Variants in NCOA1 observed in about 807,000 individuals in gnomAD.
The protein encoded by NCOA1 is nuclear receptor coactivator 1.
NCOA1 carries 35 observed loss-of-function variants against 150.9 expected under a neutral mutation model. The observed-to-expected ratio is 0.23, with a 90% CI of 0.18 to 0.31. The LOEUF (loss-of-function observed/expected upper bound fraction) is 0.31. Ranked by LOEUF, NCOA1 falls within the 10% of genes least tolerant of loss-of-function variation. NCOA1 has a pLI of 1.00. For synonymous variants in NCOA1, 590 were observed against 630.0 expected (o/e 0.94, Z 0.95); for missense variants, 1,491 against 1,749.3 (o/e 0.85, Z 2.63).
chr2:24,691,815 T>G (rs989819110), intron 9 of NCOA1, among the ~76,000 whole-genome samples, 155 bp downstream of exon 9: 3 of 152,228 alleles, frequency 2.0e-5, no homozygotes, highest in African/African-American at 7.2e-5. Context: ...TTCTTAATAC[T>G]TAAAAAACAA....
intron 11 of NCOA1, among the ~76,000 whole-genome samples, chr2:24,698,265 A>G (rs894133522): frequency 1.3e-5 from 2 of 152,194 alleles, no homozygotes; most frequent in African/African-American, 4.8e-5. Context: ...TCAGAAAAGA[A>G]GTAATATTTT....
rs559531589 is a variant in NCOA1, at chr2:24,675,097, C to T, written c.354+1634C>T. On this transcript the variant is annotated intron_variant, in intron 7 of 22. Coordinates refer to ENST00000348332, the MANE Select transcript of NCOA1 (RefSeq NM_003743.5). ...ATTGCCTCTTAAATGTTAGTATCCC[C>T]TGGGAGTCTAGCCTTGGCTCTTTCC... Among the ~76,000 whole-genome samples the T allele has an allele frequency of 7.2e-5, 11 of 152,236 alleles. No homozygotes were observed. In the South Asian group the frequency reaches 8.3e-4, roughly 11 times the overall value.
intron 22 of NCOA1, among the ~76,000 whole-genome samples, chr2:24,765,975 A>T (rs945374268): frequency 6.9e-6 from 1 of 145,956 alleles, no homozygotes; most frequent in Non-Finnish European, 1.5e-5. Context: ...ATCTCAGCTC[A>T]CTGCAACCTC....
intron 1 of NCOA1, chr2:24,556,163 C>G (rs1225346974): frequency 6.6e-6 from 1 of 152,290 alleles, no homozygotes; most frequent in African/African-American, 2.4e-5. Flanking sequence ...CCCCGCCCCC[C>G]TGACAGGCTC....
At chr2:24,724,749 TTTAAA>T (rs1225575438) in intron 14 of NCOA1, among the ~76,000 whole-genome samples, 1 of 152,172 alleles carries the variant, frequency 6.6e-6, no homozygotes, top group African/African-American at 2.4e-5. Context: ...TTCTTAGACT[TTTAAA>T]TTAATTAATT....
intron 1 of NCOA1, among the ~76,000 whole-genome samples, chr2:24,559,733 A>G (rs933039706): frequency 1.3e-5 from 2 of 150,944 alleles, no homozygotes; most frequent in African/African-American, 2.4e-5. Context: ...GTATTGGTGC[A>G]GGATTCGTTG....
At chr2:24,508,283 A>C (rs1219429190) in intron 1 of NCOA1, among the ~76,000 whole-genome samples, 2 of 152,080 alleles carry the variant, frequency 1.3e-5, no homozygotes, top group East Asian at 3.8e-4. Flanking sequence ...AGGGGGGCTT[A>C]TTTAAAAAAC....
intron 1 of NCOA1, among the ~76,000 whole-genome samples, chr2:24,554,187 T>A (rs530894746): frequency 6.6e-6 from 1 of 152,190 alleles, no homozygotes; most frequent in South Asian, 2.1e-4. Flanking sequence ...TTGTTTTCAA[T>A]TTTTTTTCTT....
At chr2:24,677,837 AAG>A (rs1279794903) in intron 7 of NCOA1, among the ~76,000 whole-genome samples, 1 of 152,220 alleles carries the variant, frequency 6.6e-6, no homozygotes, top group Non-Finnish European at 1.5e-5. Context: ...GGCGGCAGGA[AAG>A]AGAAAGAGTG....
At chr2:24,677,028 G>T (rs13028672) in intron 7 of NCOA1, among the ~76,000 whole-genome samples, 3 of 152,206 alleles carry the variant, frequency 2.0e-5, no homozygotes, top group African/African-American at 7.2e-5. Context: ...ATATTAGTCA[G>T]TTTTCACACT....
At chr2:24,556,226 A>T (rs1364223697) in intron 1 of NCOA1, among the ~76,000 whole-genome samples, 1 of 152,118 alleles carries the variant, frequency 6.6e-6, no homozygotes. Flanking sequence ...TCAGATCCCA[A>T]TTACAAGTGA....
rs773553937 is a variant in NCOA1, at chr2:24,691,465, A to G, written c.533-16A>G. 5 of 1,610,862 alleles carry G rather than the reference A, an allele frequency of 3.1e-6. No homozygotes were observed. The Admixed American group carries it at 5.0e-5, about 16-fold the overall frequency. ...TCACCATATTCGCAAGCACATAATC[A>G]ATTTTTCTTCCTCAGTAAATGGAGT... On this transcript the variant is annotated splice_polypyrimidine_tract_variant and intron_variant, in intron 8 of 22. Coordinates refer to ENST00000348332, the MANE Select transcript of NCOA1 (RefSeq NM_003743.5).
intron 3 of NCOA1, among the ~76,000 whole-genome samples, chr2:24,628,134 TA>T (rs1669515951): frequency 1.3e-5 from 2 of 152,092 alleles, no homozygotes; most frequent in Non-Finnish European, 2.9e-5. Context: ...ACCCCGTCTC[TA>T]CTAAAAATAC....
chr2:24,710,247 C>T (rs1271353119), intron 13 of NCOA1, among the ~76,000 whole-genome samples: 1 of 152,030 alleles, frequency 6.6e-6, no homozygotes, highest in Admixed American at 6.5e-5. Context: ...GCACGTGCCA[C>T]GATGCCTGGC....
intron 20 of NCOA1, among the ~76,000 whole-genome samples, chr2:24,754,052 TCACATCC>T (rs1220621099): frequency 1.3e-5 from 2 of 152,216 alleles, no homozygotes; most frequent in African/African-American, 4.8e-5. Context: ...TTTCTCTTTC[TCACATCC>T]CACATCCAAC....
At chr2:24,685,134 A>G (rs914355130) in intron 8 of NCOA1, among the ~76,000 whole-genome samples, 1 of 152,066 alleles carries the variant, frequency 6.6e-6, no homozygotes, top group African/African-American at 2.4e-5. Context: ...TATATCACAT[A>G]TACATGATTC....
At chr2:24,565,501 A>C (rs1215413566) in intron 2 of NCOA1, among the ~76,000 whole-genome samples, 2 of 152,252 alleles carry the variant, frequency 1.3e-5, no homozygotes, top group African/African-American at 4.8e-5. Context: ...TTTTAGAAGA[A>C]GACTATGTAA....
chr2:24,666,271 C>G (rs930189278), intron 6 of NCOA1, among the ~76,000 whole-genome samples: 1 of 152,080 alleles, frequency 6.6e-6, no homozygotes, highest in Non-Finnish European at 1.5e-5. Context: ...ACCTCAGCCT[C>G]CCAAAGTGCT....
intron 14 of NCOA1, among the ~76,000 whole-genome samples, chr2:24,725,714 CGTGTGTGTGTGTGT>C (rs57720230): frequency 4.7e-5 from 7 of 148,874 alleles, no homozygotes; most frequent in African/African-American, 1.5e-4. Flanking sequence ...CTAAAGTGTG[CGTGTGTGTGTGTGT>C]GTGTGTGTGT....
Sources: gnomAD v4.1 joint callset for allele counts (sites outside exome capture counted in the v4.1 genomes callset) on GRCh38, gnomAD v4.1.1 for gene constraint, MANE v1.5 for transcripts, NCBI Gene and HGNC (gene_info 2026-07-23, HGNC 2026-07-21) for gene names.